Variants in ITFG1 observed in about 807,000 individuals in gnomAD.
ITFG1 encodes the protein integrin alpha FG-GAP repeat containing 1.
Under a neutral mutation model 81.8 loss-of-function variants are expected in ITFG1, and 34 were observed. The observed-to-expected ratio is 0.42, with a 90% CI of 0.32 to 0.55. The LOEUF (loss-of-function observed/expected upper bound fraction) is 0.55. Ranked by LOEUF, ITFG1 falls within the 20% of genes least tolerant of loss-of-function variation. The probability of loss-of-function intolerance (pLI) is 0.17; values close to 1 mark genes in which losing one functional copy is unlikely to be tolerated. For synonymous variants in ITFG1, 285 were observed against 270.6 expected (o/e 1.05, Z -0.52); for missense variants, 672 against 755.4 (o/e 0.89, Z 1.29).
At chr16:47,207,911 A>G (rs182411696) in intron 14 of ITFG1, among the ~76,000 whole-genome samples, 24 of 152,186 alleles carry the variant, frequency 1.6e-4, no homozygotes, top group Admixed American at 5.2e-4. Flanking sequence ...ATAAATGCTT[A>G]CGAGATGAAT....
chr16:47,348,847 C>A (rs1361513653), intron 8 of ITFG1, among the ~76,000 whole-genome samples: 1 of 152,208 alleles, frequency 6.6e-6, no homozygotes, highest in African/African-American at 2.4e-5. Context: ...GCCCATCAGA[C>A]TAACAGCGGA....
At chr16:47,411,344 G>C (rs562728894) in intron 6 of ITFG1, among the ~76,000 whole-genome samples, 3 of 152,262 alleles carry the variant, frequency 2.0e-5, no homozygotes, top group Admixed American at 2.0e-4. Flanking sequence ...CAGTGATTTG[G>C]GGGCAGGAGG....
intron 6 of ITFG1, among the ~76,000 whole-genome samples, chr16:47,382,090 T>C (rs1968403156): frequency 6.6e-6 from 1 of 152,204 alleles, no homozygotes; most frequent in Admixed American, 6.5e-5. Context: ...TGATTTTTAA[T>C]ATGAAAAATC....
At chr16:47,408,931 T>A (rs1968764091) in intron 6 of ITFG1, among the ~76,000 whole-genome samples, 1 of 152,168 alleles carries the variant, frequency 6.6e-6, no homozygotes, top group Non-Finnish European at 1.5e-5. Context: ...AAGACATTTT[T>A]AAAACATATG....
intron 6 of ITFG1, among the ~76,000 whole-genome samples, chr16:47,421,429 T>C (rs1003476021): frequency 1.3e-5 from 2 of 151,962 alleles, no homozygotes; most frequent in Non-Finnish European, 2.9e-5. Context: ...CTCAGGCTCC[T>C]GAGTAGCTGG....
chr16:47,457,283 C>A (rs1969465774), intron 2 of ITFG1, among the ~76,000 whole-genome samples: 1 of 150,868 alleles, frequency 6.6e-6, no homozygotes, highest in African/African-American at 2.4e-5. Context: ...GGCACTCCAG[C>A]CTGGGCAACA....
chr16:47,262,194 T>C (rs998745532), intron 10 of ITFG1, among the ~76,000 whole-genome samples: 2 of 152,172 alleles, frequency 1.3e-5, no homozygotes, highest in Admixed American at 6.5e-5. Flanking sequence ...AAACAAATAG[T>C]TTACCAGAAC....
At chr16:47,372,554 A>T (rs1284036807) in intron 7 of ITFG1, among the ~76,000 whole-genome samples, 1 of 151,612 alleles carries the variant, frequency 6.6e-6, no homozygotes, top group Non-Finnish European at 1.5e-5. Flanking sequence ...CCTGGGTTCA[A>T]GCGATTCTTC....
chr16:47,403,761 TACACACACACACACACACACACACAC>T (rs55978309), intron 6 of ITFG1, among the ~76,000 whole-genome samples: 2 of 133,168 alleles, frequency 1.5e-5, no homozygotes, highest in East Asian at 2.2e-4. Context: ...TCTCTCTTGG[TACACACACACACACACACACACACAC>T]ACACACACAC....
At chr16:47,414,946 G>A (rs1329746211) in intron 6 of ITFG1, among the ~76,000 whole-genome samples, 2 of 152,102 alleles carry the variant, frequency 1.3e-5, no homozygotes, top group African/African-American at 4.8e-5. Flanking sequence ...CACTTTTTAG[G>A]CTCTGACCTT....
At chr16:47,424,652 CCTTT>C in intron 6 of ITFG1, among the ~76,000 whole-genome samples, 1 of 152,238 alleles carries the variant, frequency 6.6e-6, no homozygotes, top group South Asian at 2.1e-4. Context: ...TGATGCTATT[CCTTT>C]CTGTTTGTTA....
At chr16:47,352,009 T>C (rs1363153417) in intron 8 of ITFG1, among the ~76,000 whole-genome samples, 3 of 152,148 alleles carry the variant, frequency 2.0e-5, no homozygotes, top group Admixed American at 6.5e-5. Flanking sequence ...TAGCCATATG[T>C]AGAAAGCTGA....
In ITFG1 at chr16:47,454,078, A is replaced by G; in HGVS notation, c.362T>C (p.Leu121Pro). 5.0e-6 allele frequency: 8 copies of G among 1,608,640 alleles called. No individual in the cohort carries two copies. The highest frequency in any genetic ancestry group is 6.8e-6 in the Non-Finnish European group (8 of 1,175,238). Reference protein sequence around the residue: ...DSQMDVLLTYLPKNYAKSELG... With the variant: ...DSQMDVLLTYPPKNYAKSELG... ...TTCACTCTTGGCATAATTTTTGGGA[A>G]GATATGTCAGAAGGACATCCATTTG... Residue 121 changes from leucine to proline, a missense_variant, in exon 3 of 18, where the codon CTT becomes CCT. Around this residue, in one of 3 missense-constraint regions of ITFG1, gnomAD observed 560 missense variants for 625.7 expected, o/e 0.90. Transcript: ENST00000320640.
intron 6 of ITFG1, among the ~76,000 whole-genome samples, chr16:47,413,537 G>A (rs75999975): frequency 6.6e-6 from 1 of 151,912 alleles, no homozygotes; most frequent in Non-Finnish European, 1.5e-5. Context: ...TCTATAAAAC[G>A]TTTAAAAATT....
intron 5 of ITFG1, among the ~76,000 whole-genome samples, chr16:47,446,867 CT>C (rs765157745): frequency 3.1e-3 from 437 of 142,848 alleles, no homozygotes; most frequent in Admixed American, 2.9e-3. Flanking sequence ...CTGGTTTTTT[CT>C]TTTTTTTTTT....
chr16:47,407,691 G>C (rs1968746415), intron 6 of ITFG1, among the ~76,000 whole-genome samples: 1 of 152,148 alleles, frequency 6.6e-6, no homozygotes, highest in African/African-American at 2.4e-5. Context: ...CTGCCATTTA[G>C]TGAGACGGGA....
chr16:47,431,015 C>T (rs1969089079), intron 5 of ITFG1, among the ~76,000 whole-genome samples: 1 of 152,086 alleles, frequency 6.6e-6, no homozygotes, highest in African/African-American at 2.4e-5. Context: ...ATTACTAATA[C>T]AATACAGACT....
intron 5 of ITFG1, among the ~76,000 whole-genome samples, chr16:47,431,191 T>C (rs1596979556): frequency 6.6e-6 from 1 of 152,176 alleles, no homozygotes; most frequent in African/African-American, 2.4e-5. Context: ...AAGGGAGTGA[T>C]TGCTTAATGC....
At chr16:47,254,449 A>G (rs1966117277) in intron 12 of ITFG1, among the ~76,000 whole-genome samples, 1 of 152,108 alleles carries the variant, frequency 6.6e-6, no homozygotes, top group Admixed American at 6.5e-5. Flanking sequence ...CAAAAACCCT[A>G]TGCTCTGATT....
Sources: gnomAD v4.1 joint callset for allele counts (sites outside exome capture counted in the v4.1 genomes callset) on GRCh38, gnomAD v4.1.1 for gene constraint, gnomAD v4.1.1 regional missense constraint, MANE v1.5 for transcripts, NCBI Gene and HGNC (gene_info 2026-07-23, HGNC 2026-07-21) for gene names.